The following CYTH3 variants were observed in gnomAD, a reference collection of about 807,000 sequenced individuals.
CYTH3 encodes the protein cytohesin-3.
CYTH3 carries 23 observed loss-of-function variants against 55.1 expected under a neutral mutation model. The observed-to-expected ratio is 0.42, with a 90% CI of 0.30 to 0.59. The LOEUF is 0.59. Ranked by LOEUF, CYTH3 falls within the 20% of genes least tolerant of loss-of-function variation. The pLI is 0.20. For missense variants in CYTH3, 413 were observed against 524.8 expected (o/e 0.79, Z 2.08); for synonymous variants, 249 against 194.9 (o/e 1.28, Z -2.31).
chr7:6,199,417 G>A (rs2128546447), intron 1 of CYTH3, among the ~76,000 whole-genome samples: 1 of 152,306 alleles, frequency 6.6e-6, no homozygotes, highest in African/African-American at 2.4e-5. Context: ...TGGGGAGTCT[G>A]TAGCAGGAGG....
chr7:6,179,613 C>A (rs1470053345), intron 4 of CYTH3, among the ~76,000 whole-genome samples: 3 of 121,538 alleles, frequency 2.5e-5, no homozygotes, highest in Admixed American at 2.4e-4. Context: ...CCACACACCA[C>A]ACACACACAC....
At chr7:6,180,423 G>A (rs1783477490) in intron 4 of CYTH3, among the ~76,000 whole-genome samples, 1 of 152,212 alleles carries the variant, frequency 6.6e-6, no homozygotes, top group Admixed American at 6.5e-5. Flanking sequence ...GAGAGGAGAA[G>A]GTGCAGAGAA....
intron 5 of CYTH3, among the ~76,000 whole-genome samples, chr7:6,175,242 G>A (rs1329727286): frequency 6.6e-6 from 1 of 152,058 alleles, no homozygotes; most frequent in Non-Finnish European, 1.5e-5. Flanking sequence ...AGTGGGAGTG[G>A]GGAAGGAACC....
At chr7:6,261,433 G>A (rs551893599) in intron 1 of CYTH3, among the ~76,000 whole-genome samples, 473 of 152,164 alleles carry the variant, frequency 3.1e-3, no homozygotes, top group African/African-American at 0.011. Context: ...GTGATATTCC[G>A]GCCAGGTGAG....
Position 6,163,530 on chromosome 7 carries a change from C to CA in CYTH3, c.*1413dup, listed in dbSNP as rs1782900982. On this transcript the variant is annotated 3_prime_UTR_variant, in exon 13 of 13. Coordinates refer to ENST00000350796, the MANE Select transcript of CYTH3 (RefSeq NM_004227.4). The stretch of plus-strand genomic sequence containing the variant: ...GCCCAAGCACACAATGCCCCCGGTC[C>CA]AGCCCTGAGCCCTCTCTGTAGGTGG... 6.6e-6 allele frequency: 1 copy of CA among 152,480 alleles called. No homozygotes were observed. The allele number at this position is 152,480 out of a possible 1,614,324, so 9.4% of individuals were successfully genotyped here.
At chr7:6,231,860 G>A (rs1188392442) in intron 1 of CYTH3, among the ~76,000 whole-genome samples, 2 of 152,096 alleles carry the variant, frequency 1.3e-5, no homozygotes, top group African/African-American at 2.4e-5. Flanking sequence ...ATCGGGACCC[G>A]GGCCACAAGG....
intron 1 of CYTH3, among the ~76,000 whole-genome samples, chr7:6,243,311 C>G (rs1229164861): frequency 6.6e-6 from 1 of 152,206 alleles, no homozygotes; most frequent in Admixed American, 6.5e-5. Flanking sequence ...CAGCCGACAC[C>G]TGTGACTGGC....
chr7:6,216,209 T>C (rs1784421275), intron 1 of CYTH3, among the ~76,000 whole-genome samples: 2 of 152,160 alleles, frequency 1.3e-5, no homozygotes, highest in Non-Finnish European at 2.9e-5. Flanking sequence ...ACTAACACCA[T>C]CTGATGTAGT....
chr7:6,228,218 T>C (rs1053991778), intron 1 of CYTH3, among the ~76,000 whole-genome samples: 19 of 152,022 alleles, frequency 1.2e-4, no homozygotes, highest in Non-Finnish European at 1.5e-5. Flanking sequence ...AAGAGGCAAG[T>C]TAAAGAGAAT....
At chr7:6,219,348 G>C (rs993503365) in intron 1 of CYTH3, among the ~76,000 whole-genome samples, 5 of 152,190 alleles carry the variant, frequency 3.3e-5, no homozygotes, top group African/African-American at 7.2e-5. Context: ...AAATGCAGAA[G>C]AGAGAAATTA....
At position 6,184,575 on chromosome 7, in the gene CYTH3, CTTTA is replaced by C. The variant is rs1783589977; in HGVS notation, c.249+2471_249+2474del. 2.0e-5 allele frequency among the ~76,000 whole-genome samples: 3 copies of C among 152,024 alleles called. No homozygotes were observed. In the South Asian group the frequency reaches 6.2e-4, roughly 32 times the overall value. ...AACCTGATGCACAGTAGTGGCATCACTTTATTTATTTACTTATTTTGAGAGACAG... is the reference window on the plus strand; with the variant it reads ...AACCTGATGCACAGTAGTGGCATCACTTTATTTACTTATTTTGAGAGACAG... On this transcript the variant is annotated intron_variant, in intron 4 of 12. Coordinates refer to ENST00000350796, the MANE Select transcript of CYTH3 (RefSeq NM_004227.4).
intron 1 of CYTH3, among the ~76,000 whole-genome samples, chr7:6,193,499 G>A (rs1308860210): frequency 6.6e-6 from 1 of 152,144 alleles, no homozygotes; most frequent in Non-Finnish European, 1.5e-5. Context: ...ACATTTTTAT[G>A]AGCTTGAAGC....
intron 1 of CYTH3, among the ~76,000 whole-genome samples, chr7:6,193,503 T>C (rs557590653): frequency 1.3e-5 from 2 of 152,328 alleles, no homozygotes; most frequent in East Asian, 1.9e-4. Context: ...TTTTATGAGC[T>C]TGAAGCCAAA....
rs142942055 is a variant in CYTH3, at chr7:6,187,643, C to A, written c.182+14G>T. ...AAGAGTAAATAGCTTAAAGGTGTAGCCACAAATTGTTACCTCTCCTCTACG... is the reference window on the plus strand; with the variant it reads ...AAGAGTAAATAGCTTAAAGGTGTAGACACAAATTGTTACCTCTCCTCTACG... On this transcript the variant is annotated intron_variant, in intron 3 of 12. Transcript: ENST00000350796. The A allele has an allele frequency of 5.4e-4, 868 of 1,607,566 alleles. 3 individuals are homozygous for A. In the African/African-American group the frequency reaches 0.01, roughly 19 times the overall value.
intron 1 of CYTH3, among the ~76,000 whole-genome samples, chr7:6,226,797 G>A (rs1186140897): frequency 6.6e-6 from 1 of 151,980 alleles, no homozygotes; most frequent in African/African-American, 2.4e-5. Context: ...AAGAGGAAAG[G>A]GGGCCGGGCG....
At chr7:6,250,922 T>C (rs1779946438) in intron 1 of CYTH3, among the ~76,000 whole-genome samples, 1 of 152,182 alleles carries the variant, frequency 6.6e-6, no homozygotes, top group Non-Finnish European at 1.5e-5. Flanking sequence ...TTTCACTGGA[T>C]CAGAAATTAC....
intron 9 of CYTH3, among the ~76,000 whole-genome samples, chr7:6,166,577 C>T (rs546457233): frequency 6.6e-6 from 1 of 152,310 alleles, no homozygotes; most frequent in East Asian, 1.9e-4. Context: ...CCAGCACGGG[C>T]GCTGAGGCCT....
intron 4 of CYTH3, among the ~76,000 whole-genome samples, chr7:6,183,338 TTCC>T (rs1783554287): frequency 6.6e-6 from 1 of 152,224 alleles, no homozygotes; most frequent in South Asian, 2.1e-4. Context: ...CTTCCAGGGA[TTCC>T]TCAATTTCTA....
At chr7:6,220,179 G>A (rs1466352593) in intron 1 of CYTH3, among the ~76,000 whole-genome samples, 4 of 152,112 alleles carry the variant, frequency 2.6e-5, no homozygotes, top group Admixed American at 1.3e-4. Flanking sequence ...TTACAGGGGT[G>A]AGCCACCGCG....
Sources: allele counts gnomAD v4.1 joint callset (sites outside exome capture counted in the v4.1 genomes callset), GRCh38; gene constraint gnomAD v4.1.1; transcripts MANE v1.5; gene names NCBI Gene and HGNC (gene_info 2026-07-23, HGNC 2026-07-21).